Variants in PARD3 observed in about 807,000 individuals in gnomAD.
The protein encoded by PARD3 is par-3 family cell polarity regulator.
Under a neutral mutation model 155.4 loss-of-function variants are expected in PARD3, and 75 were observed. The ratio of observed to expected loss-of-function variants is 0.48; its 90% CI spans 0.40 to 0.58. PARD3 has a LOEUF of 0.58. PARD3 is among the 20% of genes least tolerant of loss of function. The pLI, the probability that PARD3 is intolerant of heterozygous loss-of-function variation, is 0.00. For synonymous variants in PARD3, 576 were observed against 610.5 expected (o/e 0.94, Z 0.83); for missense variants, 1,642 against 1,721.7 (o/e 0.95, Z 0.82).
chr10:34,413,242 G>A (rs1033725820), intron 5 of PARD3, among the ~76,000 whole-genome samples: 2 of 151,350 alleles, frequency 1.3e-5, no homozygotes, highest in Non-Finnish European at 2.9e-5. Flanking sequence ...TAGGACGGTA[G>A]GTATATTTTT....
At chr10:34,636,217 C>T (rs2490810) in intron 2 of PARD3, among the ~76,000 whole-genome samples, 53,637 of 151,930 alleles carry the variant, frequency 0.35, 9,760 homozygotes, top group South Asian at 0.43. Context: ...TTAAACCAAA[C>T]CAGGGCCAGC....
intron 3 of PARD3, among the ~76,000 whole-genome samples, chr10:34,474,206 T>C (rs952993703): frequency 1.2e-4 from 19 of 152,174 alleles, no homozygotes; most frequent in African/African-American, 4.3e-4. Flanking sequence ...GATGGCCAAA[T>C]GACATCATAA....
intron 15 of PARD3, chr10:34,343,387 A>AT (rs1229013152): frequency 1.9e-5 from 19 of 982,462 alleles, no homozygotes; most frequent in Admixed American, 6.2e-5. Flanking sequence ...GGGGCATATG[A>AT]TTTTTTTTGT....
chr10:34,607,638 A>T (rs1389106047), intron 2 of PARD3, among the ~76,000 whole-genome samples: 1 of 152,234 alleles, frequency 6.6e-6, no homozygotes, highest in African/African-American at 2.4e-5. Context: ...AGGAAAAGGT[A>T]AGTCCATCCT....
At chr10:34,289,474 G>T (rs909150896) in intron 20 of PARD3, among the ~76,000 whole-genome samples, 6 of 152,076 alleles carry the variant, frequency 3.9e-5, no homozygotes, top group Non-Finnish European at 7.4e-5. Context: ...ACAGGCGTGA[G>T]CCACTGCATC....
At chr10:34,518,723 C>A (rs2081942483) in intron 2 of PARD3, among the ~76,000 whole-genome samples, 1 of 152,146 alleles carries the variant, frequency 6.6e-6, no homozygotes, top group African/African-American at 2.4e-5. Context: ...CAACAGAAAT[C>A]ATCATTAGGC....
intron 19 of PARD3, among the ~76,000 whole-genome samples, chr10:34,318,938 TGTATTTTTA>T (rs1287226443): frequency 6.8e-6 from 1 of 147,998 alleles, no homozygotes; most frequent in African/African-American, 2.5e-5. Flanking sequence ...GCTAATTTTT[TGTATTTTTA>T]GTAGTTTTGT....
chr10:34,745,044 C>T (rs532288718), intron 1 of PARD3, among the ~76,000 whole-genome samples: 1 of 152,188 alleles, frequency 6.6e-6, no homozygotes, highest in African/African-American at 2.4e-5. Flanking sequence ...AATAACCTAG[C>T]AACCAACCTC....
intron 12 of PARD3, among the ~76,000 whole-genome samples, chr10:34,368,839 T>TAAAAAAAAAAAAA (rs71033310): frequency 9.2e-6 from 1 of 108,614 alleles, no homozygotes. Context: ...ATGAGCAATG[T>TAAAAAAAAAAAAA]AAAAAAAAAA....
In PARD3 at chr10:34,331,307, C is replaced by T; in HGVS notation, c.2643G>A (p.Leu881=). The change falls in exon 19 of 25, where the codon CTG becomes CTA. Residue 881 remains leucine, a synonymous_variant. Coordinates refer to ENST00000374788, the MANE Select transcript of PARD3 (RefSeq NM_001184785.2). ...PSRDVGPSLG[L]KKSSSLESLQ... ...GACTCTCCAACGAGCTTGACTTCTT[C>T]AGACCCAGGGAAGGACCCACATCTC... 6.2e-7 allele frequency: 1 copy of T among 1,613,946 alleles called. No homozygotes were observed. The highest frequency in any genetic ancestry group is 1.7e-4 in the Middle Eastern group (1 of 6,060).
chr10:34,308,019 A>G (rs1035272900), intron 20 of PARD3, among the ~76,000 whole-genome samples: 1 of 152,158 alleles, frequency 6.6e-6, no homozygotes, highest in Non-Finnish European at 1.5e-5. Flanking sequence ...AAAGATGTTA[A>G]AGGTACAAGA....
At chr10:34,694,231 A>G (rs2094123612) in intron 2 of PARD3, among the ~76,000 whole-genome samples, 1 of 152,144 alleles carries the variant, frequency 6.6e-6, no homozygotes, top group Non-Finnish European at 1.5e-5. Flanking sequence ...TGATACGTTA[A>G]TTCATCGCTT....
intron 2 of PARD3, among the ~76,000 whole-genome samples, chr10:34,657,371 G>A (rs1226921356): frequency 6.6e-6 from 1 of 152,164 alleles, no homozygotes. Flanking sequence ...AAATTCATCT[G>A]GTGATGAAAT....
intron 22 of PARD3, among the ~76,000 whole-genome samples, chr10:34,171,229 G>A (rs1477343575): frequency 6.6e-6 from 1 of 152,116 alleles, no homozygotes; most frequent in Non-Finnish European, 1.5e-5. Flanking sequence ...GAAGGTTAAC[G>A]GATCTTTTAC....
chr10:34,674,470 C>G (rs75879646), intron 2 of PARD3, among the ~76,000 whole-genome samples: 10,193 of 145,084 alleles, frequency 0.07, 545 homozygotes, highest in Non-Finnish European at 0.11. Context: ...ACCACCTGCA[C>G]GCTCTTGATT....
intron 12 of PARD3, among the ~76,000 whole-genome samples, chr10:34,365,326 T>C (rs756040462): frequency 6.6e-6 from 1 of 152,224 alleles, no homozygotes; most frequent in Non-Finnish European, 1.5e-5. Context: ...AGCAAAATAA[T>C]ATGTAAGACA....
chr10:34,359,987 A>T (rs576414906), intron 13 of PARD3, 84 bp downstream of exon 13: 1 of 997,818 alleles, frequency 1.0e-6, no homozygotes, highest in African/African-American at 1.6e-5. Flanking sequence ...AACTTCTGTT[A>T]ACTGTATATG....
chr10:34,432,057 A>AT (rs1483805773), intron 5 of PARD3, among the ~76,000 whole-genome samples: 1 of 147,702 alleles, frequency 6.8e-6, no homozygotes, highest in East Asian at 1.9e-4. Flanking sequence ...AAAAAAAAAA[A>AT]AAAAAAAAAA....
chr10:34,705,129 T>C (rs1232981175), intron 1 of PARD3, among the ~76,000 whole-genome samples: 1 of 152,166 alleles, frequency 6.6e-6, no homozygotes, highest in Non-Finnish European at 1.5e-5. Context: ...ATATCACACA[T>C]GCAATTCTGA....
Sources: allele counts gnomAD v4.1 joint callset (sites outside exome capture counted in the v4.1 genomes callset), GRCh38; gene constraint gnomAD v4.1.1; transcripts MANE v1.5; gene names NCBI Gene and HGNC (gene_info 2026-07-23, HGNC 2026-07-21).